Variants in ALOX5AP observed in about 807,000 individuals in gnomAD.
The protein encoded by ALOX5AP is arachidonate 5-lipoxygenase activating protein, also known as arachidonate 5-lipoxygenase-activating protein.
Under a neutral mutation model 18.5 loss-of-function variants are expected in ALOX5AP, and 9 were observed. The ratio of observed to expected loss-of-function variants is 0.49; its 90% CI spans 0.29 to 0.85. The LOEUF (loss-of-function observed/expected upper bound fraction) is 0.85, where lower values mean the gene tolerates loss of function less well. Among genes scored for constraint, ALOX5AP ranks in the 40% least tolerant of loss-of-function variants. ALOX5AP has a pLI of 0.08. For missense variants in ALOX5AP, 172 were observed against 202.5 expected (o/e 0.85, Z 0.91); for synonymous variants, 81 against 78.6 (o/e 1.03, Z -0.16).
At chr13:30,732,029 T>C (rs1951685495), upstream of ALOX5AP, among the ~76,000 whole-genome samples, 2 of 152,298 alleles carry the variant, frequency 1.3e-5, no homozygotes, top group Middle Eastern at 3.4e-3. Context: ...GCAGCCAGAA[T>C]CTTAATGTGC....
Position 30,748,901 on chromosome 13 carries a change from C to T in ALOX5AP, c.171-3151C>T, listed in dbSNP as rs567964040. On this transcript the variant is annotated intron_variant, in intron 2 of 4. Coordinates refer to ENST00000380490, the MANE Select transcript of ALOX5AP (RefSeq NM_001629.4). ...GACCATGTGAACTTCAAAGACTACA[C>T]GAGCAGCCACTGGGCAGCTGTCATG... Among the ~76,000 whole-genome samples, 116 of 152,344 alleles carry T rather than the reference C, an allele frequency of 7.6e-4. 1 individual carries two copies. The highest frequency in any genetic ancestry group is 1.4e-3 in the Non-Finnish European group (97 of 68,036).
chr13:30,739,290 C>T (rs1456519637), intron 1 of ALOX5AP, among the ~76,000 whole-genome samples: 2 of 152,222 alleles, frequency 1.3e-5, no homozygotes, highest in Non-Finnish European at 2.9e-5. Context: ...ATGCAACTGC[C>T]TTTGCAGAGA....
chr13:30,726,863 C>T (rs1951643323), intron 1 of ALOX5AP, among the ~76,000 whole-genome samples: 1 of 151,992 alleles, frequency 6.6e-6, no homozygotes, highest in South Asian at 2.1e-4. Context: ...TACTTAATTT[C>T]TCTACTATAC....
intron 4 of ALOX5AP, among the ~76,000 whole-genome samples, chr13:30,759,297 T>A (rs1024340629): frequency 6.6e-6 from 1 of 152,210 alleles, no homozygotes; most frequent in African/African-American, 2.4e-5. Context: ...GGGCTCCTAC[T>A]GATCCTCTTG....
At chr13:30,735,244 T>A (rs112592252), upstream of ALOX5AP, among the ~76,000 whole-genome samples, 605 of 152,012 alleles carry the variant, frequency 4.0e-3, 7 homozygotes, top group African/African-American at 0.014. Flanking sequence ...GCTTCCAGAT[T>A]CTCTGGTGCC....
intron 1 of ALOX5AP, chr13:30,713,893 C>A (rs1951528702): frequency 6.6e-7 from 1 of 1,518,674 alleles, no homozygotes; most frequent in South Asian, 1.2e-5. Context: ...TTCTACCATG[C>A]CTCCTACAAA....
intron 1 of ALOX5AP, among the ~76,000 whole-genome samples, chr13:30,728,521 C>A (rs961366818): frequency 6.6e-6 from 1 of 152,166 alleles, no homozygotes. Context: ...CAATCCCTGA[C>A]TGATACAGAA....
intron 2 of ALOX5AP, among the ~76,000 whole-genome samples, chr13:30,747,180 A>C (rs1951816104): frequency 6.6e-6 from 1 of 152,182 alleles, no homozygotes; most frequent in Non-Finnish European, 1.5e-5. Flanking sequence ...AATTCTAATT[A>C]ATTCATTCTT....
chr13:30,728,353 T>G (rs1951654799), intron 1 of ALOX5AP, among the ~76,000 whole-genome samples: 1 of 152,234 alleles, frequency 6.6e-6, no homozygotes, highest in Non-Finnish European at 1.5e-5. Flanking sequence ...TTTGTGCTAC[T>G]TTGTTATGGC....
At chr13:30,731,685 A>G (rs1053902919), upstream of ALOX5AP, among the ~76,000 whole-genome samples, 1 of 151,930 alleles carries the variant, frequency 6.6e-6, no homozygotes, top group Non-Finnish European at 1.5e-5. Flanking sequence ...CACATTTTTA[A>G]CCCCTCTGAA....
chr13:30,721,583 C>T (rs1471987448), intron 1 of ALOX5AP, among the ~76,000 whole-genome samples: 1 of 152,148 alleles, frequency 6.6e-6, no homozygotes, highest in African/African-American at 2.4e-5. Context: ...ACCATCTCTT[C>T]TCTGGAACAG....
At chr13:30,714,485 T>C (rs1311445000) in intron 1 of ALOX5AP, among the ~76,000 whole-genome samples, 2 of 150,712 alleles carry the variant, frequency 1.3e-5, no homozygotes, top group Non-Finnish European at 3.0e-5. Flanking sequence ...ATGCTCCATT[T>C]TGGGGGGCAT....
At chr13:30,745,771 G>A (rs1177025921) in intron 2 of ALOX5AP, among the ~76,000 whole-genome samples, 1 of 152,204 alleles carries the variant, frequency 6.6e-6, no homozygotes, top group African/African-American at 2.4e-5. Context: ...ACATCCACAT[G>A]CAAGAGGTGC....
At chr13:30,736,198 A>C (rs1951719849) in intron 1 of ALOX5AP, among the ~76,000 whole-genome samples, 1 of 151,158 alleles carries the variant, frequency 6.6e-6, no homozygotes, top group Admixed American at 6.6e-5. Context: ...TCTCCTGAAG[A>C]AACTTTTTTT....
chr13:30,756,697 C>T lies in ALOX5AP; in HGVS notation c.323+672C>T, dbSNP rs1951897367. 2.0e-5 allele frequency among the ~76,000 whole-genome samples: 3 copies of T among 151,400 alleles called. No individual in the cohort carries two copies. The South Asian group carries it at 6.3e-4, about 32-fold the overall frequency. On this transcript the variant is annotated intron_variant, in intron 4 of 4. Transcript: ENST00000380490. The stretch of plus-strand genomic sequence containing the variant: ...GCATGGTGGTGGGCGCCTGTAATCC[C>T]AGCTACTCCATAGGCTGAGGCTGGA...
chr13:30,733,757 C>T (rs9670115), upstream of ALOX5AP, among the ~76,000 whole-genome samples: 25 of 152,304 alleles, frequency 1.6e-4, no homozygotes, highest in African/African-American at 4.8e-4. Context: ...GAACAAAAAG[C>T]GGGCAGAAGG....
At chr13:30,732,138 G>T (rs1276885310), upstream of ALOX5AP, among the ~76,000 whole-genome samples, 1 of 152,234 alleles carries the variant, frequency 6.6e-6, no homozygotes, top group African/African-American at 2.4e-5. Flanking sequence ...CTGCGCGCTG[G>T]CTGGGGGTGA....
At chr13:30,727,717 A>T (rs906321142) in intron 1 of ALOX5AP, among the ~76,000 whole-genome samples, 1 of 152,124 alleles carries the variant, frequency 6.6e-6, no homozygotes, top group African/African-American at 2.4e-5. Flanking sequence ...CTCCGTGATG[A>T]GGGCATCAGA....
intron 4 of ALOX5AP, 93 bp downstream of exon 4, chr13:30,756,118 C>T (rs1362945992): frequency 1.2e-5 from 15 of 1,224,478 alleles, no homozygotes; most frequent in Middle Eastern, 4.9e-4. Flanking sequence ...ACTAGATTCA[C>T]GGCTCCGTAG....
Sources: gnomAD v4.1 joint callset for allele counts (sites outside exome capture counted in the v4.1 genomes callset) on GRCh38, gnomAD v4.1.1 for gene constraint, MANE v1.5 for transcripts, NCBI Gene and HGNC (gene_info 2026-07-23, HGNC 2026-07-21) for gene names.